SKIC8: variants seen among roughly 807,000 people sequenced by gnomAD.
The protein encoded by SKIC8 is SKI8 subunit of superkiller complex.
At chr15:78,294,115 C>T in the SKIC8 span, among the ~76,000 whole-genome samples, 1 of 152,208 alleles carries the variant, frequency 6.6e-6, no homozygotes, top group Non-Finnish European at 1.5e-5. Context: ...CCTCACCTAA[C>T]TCAAGCCTGC....
the SKIC8 span, chr15:78,283,678 A>T: frequency 1.9e-6 from 1 of 527,226 alleles, no homozygotes; most frequent in African/African-American, 1.9e-5. Flanking sequence ...GCTTTAACCG[A>T]GCACCTTCCA....
the SKIC8 span, among the ~76,000 whole-genome samples, chr15:78,296,267 G>A: frequency 6.6e-6 from 1 of 152,046 alleles, no homozygotes; most frequent in South Asian, 2.1e-4. Flanking sequence ...TTAGCTGGGT[G>A]TAGTGGCGCA....
At chr15:78,292,710 G>A in the SKIC8 span, 3 of 1,614,132 alleles carry the variant, frequency 1.9e-6, no homozygotes, top group Non-Finnish European at 2.5e-6. Context: ...CAATGGGCAG[G>A]GTGTGGCTGA....
chr15:78,295,277 G>A, the SKIC8 span: 3 of 554,310 alleles, frequency 5.4e-6, no homozygotes, highest in Non-Finnish European at 9.6e-6. Flanking sequence ...GAAGCTCAAA[G>A]TCCAGTTTGT....
At chr15:78,285,814 T>C in the SKIC8 span, 39 of 466,344 alleles carry the variant, frequency 8.4e-5, no homozygotes, top group Admixed American at 1.5e-4. Flanking sequence ...GAAGCCTCAA[T>C]TTATAATGAA....
At chr15:78,283,521 C>T in the SKIC8 span, 1 of 1,608,022 alleles carries the variant, frequency 6.2e-7, no homozygotes, top group Non-Finnish European at 8.5e-7. Context: ...ACTCCCCAGA[C>T]CTGTAAATTT....
chr15:78,289,017 CACAT>C, the SKIC8 span: 53 of 408,340 alleles, frequency 1.3e-4, no homozygotes, highest in Middle Eastern at 3.5e-4. Flanking sequence ...TATTAACACA[CACAT>C]ACATAATGTG....
the SKIC8 span, chr15:78,288,216 CTAGGGCTCCTTGT>C: frequency 2.0e-6 from 3 of 1,526,506 alleles, no homozygotes; most frequent in Non-Finnish European, 2.7e-6. Flanking sequence ...GGGCTCCTCC[CTAGGGCTCCTTGT>C]AACAATAAAG....
At chr15:78,289,334 G>A in the SKIC8 span, among the ~76,000 whole-genome samples, 4 of 152,214 alleles carry the variant, frequency 2.6e-5, no homozygotes, top group Admixed American at 2.6e-4. Flanking sequence ...GATCCCTTGA[G>A]CCCAGGAGTT....
the SKIC8 span, chr15:78,285,178 C>G: frequency 1.5e-6 from 2 of 1,377,924 alleles, no homozygotes; most frequent in Admixed American, 1.7e-5. Context: ...ACAGCTCAAG[C>G]AACAAGGTCA....
chr15:78,284,934 C>T, the SKIC8 span: 43 of 284,520 alleles, frequency 1.5e-4, no homozygotes, highest in Middle Eastern at 9.6e-4. Context: ...CCTGCCATGG[C>T]GCAGCAGCCC....
the SKIC8 span, chr15:78,292,495 C>T: frequency 9.1e-7 from 1 of 1,096,418 alleles, no homozygotes; most frequent in Non-Finnish European, 1.4e-6. Context: ...ACAGTTCATG[C>T]ACACATTATC....
At chr15:78,291,005 C>T in the SKIC8 span, 3 of 152,138 alleles carry the variant, frequency 2.0e-5, no homozygotes, top group Admixed American at 6.5e-5. Flanking sequence ...TCAGGCTGAT[C>T]TTGAATTCCT....
At chr15:78,293,373 CT>C in the SKIC8 span, 40 of 1,185,450 alleles carry the variant, frequency 3.4e-5, no homozygotes, top group Admixed American at 7.3e-4. Flanking sequence ...TTTGTATTTG[CT>C]TTACTATTTT....
the SKIC8 span, chr15:78,295,006 G>C: frequency 6.2e-7 from 1 of 1,613,820 alleles, no homozygotes; most frequent in Non-Finnish European, 8.5e-7. Context: ...TTAAACCCAT[G>C]GTCAGATTTC....
the SKIC8 span, chr15:78,283,391 C>T: frequency 9.3e-6 from 14 of 1,499,376 alleles, no homozygotes; most frequent in East Asian, 4.5e-5. Flanking sequence ...ATGATCAATC[C>T]GTACATTCTC....
the SKIC8 span, chr15:78,292,383 T>C: frequency 2.1e-6 from 1 of 483,248 alleles, no homozygotes; most frequent in Non-Finnish European, 3.7e-6. Flanking sequence ...ATTTATAGCC[T>C]TTATTTATCT....
the SKIC8 span, chr15:78,295,861 C>T: frequency 1.6e-6 from 1 of 643,152 alleles, no homozygotes; most frequent in Non-Finnish European, 2.5e-6. Context: ...GGATCAGTCC[C>T]TGGAACCTCC....
the SKIC8 span, among the ~76,000 whole-genome samples, chr15:78,298,407 G>C: frequency 6.6e-6 from 1 of 152,178 alleles, no homozygotes; most frequent in Non-Finnish European, 1.5e-5. Flanking sequence ...CCGCTTACTA[G>C]GTACAGTAGT....
Sources: allele counts gnomAD v4.1 joint callset (sites outside exome capture counted in the v4.1 genomes callset), GRCh38; gene constraint gnomAD v4.1.1; transcripts MANE v1.5; gene names NCBI Gene and HGNC (gene_info 2026-07-23, HGNC 2026-07-21).